MEIKIN: variants seen among roughly 807,000 people sequenced by gnomAD.
MEIKIN encodes meiosis-specific kinetochore protein.
Position 131,837,124 on chromosome 5 carries a change from G to T in MEIKIN, c.975+14140C>A, listed in dbSNP as rs571223183. The stretch of plus-strand genomic sequence containing the variant: ...TATCCAAGTACCATTTATTGAATAG[G>T]GAGTCCTTTTTCCTTTGCTTGCTTT... On this transcript the variant is annotated intron_variant, in intron 11 of 12. Coordinates refer to ENST00000442687, the MANE Select transcript of MEIKIN (RefSeq NM_001303622.2). 4.6e-5 allele frequency among the ~76,000 whole-genome samples: 7 copies of T among 152,200 alleles called. No individual in the cohort carries two copies. The East Asian group carries it at 1.4e-3, about 29-fold the overall frequency.
intron 8 of MEIKIN, among the ~76,000 whole-genome samples, chr5:131,890,940 G>C (rs1750901210): frequency 6.6e-6 from 1 of 152,194 alleles, no homozygotes; most frequent in South Asian, 2.1e-4. Flanking sequence ...TGGTTTCAAA[G>C]AACATCTTTA....
intron 11 of MEIKIN, among the ~76,000 whole-genome samples, chr5:131,834,767 C>T (rs1207188221): frequency 4.6e-5 from 7 of 152,122 alleles, no homozygotes; most frequent in Admixed American, 2.0e-4. Flanking sequence ...GCAATAAACA[C>T]GGGAGTGCAG....
At chr5:131,832,944 C>T (rs1293356200) in intron 11 of MEIKIN, among the ~76,000 whole-genome samples, 1 of 152,230 alleles carries the variant, frequency 6.6e-6, no homozygotes, top group African/African-American at 2.4e-5. Flanking sequence ...ATGGGAGGGG[C>T]TGCTTTGGAG....
Position 131,854,622 on chromosome 5 carries a change from T to C in MEIKIN, c.855+132A>G, listed in dbSNP as rs187934817. 13 of 389,802 alleles carry C rather than the reference T, an allele frequency of 3.3e-5. No homozygotes were observed. In the East Asian group the frequency reaches 4.7e-4, roughly 14 times the overall value. The allele number at this position is 389,802 out of a possible 1,614,324, so 24.1% of individuals were successfully genotyped here. A position where few individuals can be genotyped will look rare whatever the true frequency, so the allele number is the denominator to read the frequency against. ...GTATACAAAGTACTTTCATTGAAAG[T>C]GTGCTTAAGCAACAGAAAAACACAG... On this transcript the variant is annotated intron_variant, in intron 10 of 12. Coordinates refer to ENST00000442687, the MANE Select transcript of MEIKIN (RefSeq NM_001303622.2).
At chr5:131,879,602 C>T (rs901713174) in intron 8 of MEIKIN, among the ~76,000 whole-genome samples, 1 of 152,244 alleles carries the variant, frequency 6.6e-6, no homozygotes, top group Non-Finnish European at 1.5e-5. Flanking sequence ...CCTGTATCTC[C>T]TCTTGCCCAC....
intron 8 of MEIKIN, among the ~76,000 whole-genome samples, chr5:131,893,396 G>C (rs1477072098): frequency 1.3e-5 from 2 of 152,234 alleles, no homozygotes; most frequent in East Asian, 3.8e-4. Flanking sequence ...GAGCCATGTG[G>C]GGGATATAAT....
At chr5:131,825,030 A>AG (rs1554102870) in intron 11 of MEIKIN, among the ~76,000 whole-genome samples, 1 of 151,484 alleles carries the variant, frequency 6.6e-6, no homozygotes, top group Non-Finnish European at 1.5e-5. Context: ...ACTGAAAAAA[A>AG]AAGAAGAAGA....
chr5:131,908,084 T>C (rs1751272482), intron 8 of MEIKIN, among the ~76,000 whole-genome samples: 1 of 152,116 alleles, frequency 6.6e-6, no homozygotes, highest in African/African-American at 2.4e-5. Context: ...ACTCATTCAA[T>C]GCTATCAGTA....
At chr5:131,848,670 G>C (rs1415327875) in intron 11 of MEIKIN, among the ~76,000 whole-genome samples, 1 of 152,098 alleles carries the variant, frequency 6.6e-6, no homozygotes, top group Non-Finnish European at 1.5e-5. Flanking sequence ...CATTCTATGA[G>C]ACCAACATTA....
At chr5:131,892,936 C>G (rs1750958193) in intron 8 of MEIKIN, among the ~76,000 whole-genome samples, 1 of 152,142 alleles carries the variant, frequency 6.6e-6, no homozygotes, top group African/African-American at 2.4e-5. Context: ...TTCTAACAGT[C>G]AGGACCCTCA....
At chr5:131,862,702 A>AT (rs917883802) in intron 9 of MEIKIN, among the ~76,000 whole-genome samples, 4 of 151,636 alleles carry the variant, frequency 2.6e-5, no homozygotes, top group East Asian at 1.9e-4. Context: ...TATTTCAAGA[A>AT]TTTTTTTTTA....
At chr5:131,916,665 C>G (rs1020154868) in intron 7 of MEIKIN, among the ~76,000 whole-genome samples, 1 of 152,180 alleles carries the variant, frequency 6.6e-6, no homozygotes, top group African/African-American at 2.4e-5. Context: ...TTTTCTCAAA[C>G]TTTTCCTTTT....
intron 8 of MEIKIN, among the ~76,000 whole-genome samples, chr5:131,905,202 G>A (rs1020868976): frequency 6.6e-6 from 1 of 152,040 alleles, no homozygotes; most frequent in African/African-American, 2.4e-5. Flanking sequence ...CGACTTCTGG[G>A]TAAATAATGA....
intron 11 of MEIKIN, among the ~76,000 whole-genome samples, chr5:131,828,056 A>G (rs1006994867): frequency 2.0e-5 from 3 of 152,032 alleles, no homozygotes; most frequent in Non-Finnish European, 2.9e-5. Context: ...AAAAAAATTA[A>G]GATTAGAAGA....
At chr5:131,860,280 GT>G (rs79369868) in intron 9 of MEIKIN, among the ~76,000 whole-genome samples, 1,637 of 100,598 alleles carry the variant, frequency 0.016, 14 homozygotes, top group African/African-American at 0.037. Context: ...TTTATGCCTA[GT>G]TTTTTTTTTT....
At chr5:131,813,429 C>CT (rs70974017) in intron 12 of MEIKIN, among the ~76,000 whole-genome samples, 9,066 of 140,548 alleles carry the variant, frequency 0.065, 786 homozygotes, top group African/African-American at 0.2. Flanking sequence ...TAACTATATT[C>CT]TTTTTTTTTT....
At chr5:131,872,428 T>G (rs1374237421) in intron 9 of MEIKIN, among the ~76,000 whole-genome samples, 4 of 151,892 alleles carry the variant, frequency 2.6e-5, no homozygotes, top group African/African-American at 9.7e-5. Flanking sequence ...TGAAATGAAG[T>G]GAGAAGAGAA....
At chr5:131,825,842 C>T (rs1456287847) in intron 11 of MEIKIN, among the ~76,000 whole-genome samples, 1 of 152,188 alleles carries the variant, frequency 6.6e-6, no homozygotes, top group African/African-American at 2.4e-5. Flanking sequence ...TTCCTGCATA[C>T]ATACAAGGCA....
intron 11 of MEIKIN, among the ~76,000 whole-genome samples, chr5:131,849,248 T>C (rs186840500): frequency 6.6e-6 from 1 of 152,072 alleles, no homozygotes; most frequent in Non-Finnish European, 1.5e-5. Context: ...GGGGAGTTAT[T>C]GTGAGATCTT....
Sources: allele counts gnomAD v4.1 joint callset (sites outside exome capture counted in the v4.1 genomes callset), GRCh38; gene constraint gnomAD v4.1.1; transcripts MANE v1.5; gene names NCBI Gene and HGNC (gene_info 2026-07-23, HGNC 2026-07-21).